Variants in ALCAM observed in about 807,000 individuals in gnomAD.
ALCAM encodes the protein activated leukocyte cell adhesion molecule.
A neutral mutation model predicts 70.9 loss-of-function variants in ALCAM; 30 were observed. The ratio of observed to expected loss-of-function variants is 0.42; its 90% CI spans 0.32 to 0.57. The LOEUF is 0.57. ALCAM is among the 20% of genes least tolerant of loss of function. ALCAM has a pLI of 0.11. For synonymous variants in ALCAM, 249 were observed against 242.5 expected (o/e 1.03, Z -0.25); for missense variants, 591 against 695.1 (o/e 0.85, Z 1.68).
At chr3:105,513,928 A>C (rs1939310161) in intron 1 of ALCAM, among the ~76,000 whole-genome samples, 2 of 151,950 alleles carry the variant, frequency 1.3e-5, no homozygotes, top group South Asian at 4.1e-4. Context: ...TTATAATAAA[A>C]ATTGAGTTTG....
intron 1 of ALCAM, among the ~76,000 whole-genome samples, chr3:105,502,269 C>T (rs542907089): frequency 1.3e-5 from 2 of 152,260 alleles, no homozygotes; most frequent in South Asian, 4.1e-4. Context: ...TTTCTCTAGT[C>T]TCTTTACACT....
intron 1 of ALCAM, among the ~76,000 whole-genome samples, chr3:105,499,884 A>G (rs911482877): frequency 1.3e-5 from 2 of 152,200 alleles, no homozygotes; most frequent in Non-Finnish European, 2.9e-5. Flanking sequence ...AGCTGTAGGA[A>G]TCCTCAGGGA....
chr3:105,429,093 C>T (rs1169355055), intron 1 of ALCAM, among the ~76,000 whole-genome samples: 1 of 151,950 alleles, frequency 6.6e-6, no homozygotes, highest in East Asian at 1.9e-4. Context: ...TATTAAGCCA[C>T]CATTTAAAAT....
intron 1 of ALCAM, among the ~76,000 whole-genome samples, chr3:105,376,086 T>C (rs893110264): frequency 6.6e-6 from 1 of 151,930 alleles, no homozygotes; most frequent in Non-Finnish European, 1.5e-5. Flanking sequence ...AGTTTGTGTG[T>C]GTTGGGGGCT....
At chr3:105,426,635 G>A (rs921146769) in intron 1 of ALCAM, among the ~76,000 whole-genome samples, 2 of 151,740 alleles carry the variant, frequency 1.3e-5, no homozygotes, top group Non-Finnish European at 1.5e-5. Context: ...ATTTGTACTC[G>A]TTGACAAATA....
At chr3:105,476,112 C>G (rs1435919056) in intron 1 of ALCAM, among the ~76,000 whole-genome samples, 2 of 151,958 alleles carry the variant, frequency 1.3e-5, no homozygotes, top group Non-Finnish European at 2.9e-5. Flanking sequence ...CATTTTCATG[C>G]CTTCTCTGGT....
intron 1 of ALCAM, among the ~76,000 whole-genome samples, chr3:105,504,422 A>G (rs867118327): frequency 1.3e-5 from 2 of 152,288 alleles, no homozygotes; most frequent in Middle Eastern, 3.4e-3. Flanking sequence ...GAATGAGTGC[A>G]AGCTTTTATT....
At chr3:105,448,892 G>C (rs1937357656) in intron 1 of ALCAM, among the ~76,000 whole-genome samples, 1 of 152,174 alleles carries the variant, frequency 6.6e-6, no homozygotes, top group Non-Finnish European at 1.5e-5. Flanking sequence ...TTCTGCCCGG[G>C]TGTCAACAAT....
intron 1 of ALCAM, among the ~76,000 whole-genome samples, chr3:105,517,224 A>G (rs1460415115): frequency 6.6e-6 from 1 of 152,124 alleles, no homozygotes; most frequent in African/African-American, 2.4e-5. Flanking sequence ...GGGAGTCAGT[A>G]TACTCTCACA....
chr3:105,513,906 C>T (rs1029657640), intron 1 of ALCAM, among the ~76,000 whole-genome samples: 1 of 151,934 alleles, frequency 6.6e-6, no homozygotes, highest in South Asian at 2.1e-4. Context: ...AAGATCTACT[C>T]TGTAGAAATT....
chr3:105,367,062 T>C lies in ALCAM; in HGVS notation c.-347T>C, dbSNP rs1393646614. ...ACTGCCATTATTATTATCATTCCAA[T>C]ACAAGGAAAATAAAAGAAGATACCA... On this transcript the variant is annotated 5_prime_UTR_variant, in exon 1 of 16. Transcript: ENST00000306107. 1 of 215,430 alleles carries C rather than the reference T, an allele frequency of 4.6e-6. No individual in the cohort carries two copies. The highest frequency in any genetic ancestry group is 9.6e-6 in the Non-Finnish European group (1 of 104,360). The allele number at this position is 215,430 out of a possible 1,614,324, so 13.3% of individuals were successfully genotyped here. A position where few individuals can be genotyped will look rare whatever the true frequency, so the allele number is the denominator to read the frequency against.
intron 14 of ALCAM, among the ~76,000 whole-genome samples, chr3:105,557,332 A>G (rs1042358048): frequency 3.3e-5 from 5 of 152,098 alleles, no homozygotes; most frequent in African/African-American, 1.2e-4. Context: ...TTGATGGGAA[A>G]TAAAACAATG....
intron 13 of ALCAM, 22 bp downstream of exon 13, chr3:105,552,204 C>A: frequency 6.3e-7 from 1 of 1,582,568 alleles, no homozygotes; most frequent in Non-Finnish European, 8.6e-7. Context: ...GCTGCCGACT[C>A]TTCTTCCTTG....
At chr3:105,443,073 A>G (rs928286077) in intron 1 of ALCAM, among the ~76,000 whole-genome samples, 4 of 152,114 alleles carry the variant, frequency 2.6e-5, no homozygotes, top group Non-Finnish European at 4.4e-5. Context: ...TGATCCACCT[A>G]TCTTGGCCTC....
At chr3:105,535,725 T>C (rs545435604) in intron 6 of ALCAM, among the ~76,000 whole-genome samples, 5 of 146,850 alleles carry the variant, frequency 3.4e-5, no homozygotes, top group Admixed American at 1.5e-4. Flanking sequence ...CTGAAGATAT[T>C]TGGGGGGAAA....
Position 105,576,277 on chromosome 3 carries a change from G to GTAAA in ALCAM, c.*1829_*1832dup, listed in dbSNP as rs1940962342. 6.6e-6 allele frequency: 1 copy of GTAAA among 152,548 alleles called. No individual in the cohort carries two copies. 9.4% of individuals were successfully genotyped at this position (152,548 alleles called of 1,614,324 possible). On this transcript the variant is annotated 3_prime_UTR_variant, in exon 16 of 16. Coordinates refer to ENST00000306107, the MANE Select transcript of ALCAM (RefSeq NM_001627.4). ...ATGGCTAAGCCATTCTGTTATCTCT[G>GTAAA]TAAATACTGTGATTTCTTTTTTATT...
At position 105,456,294 on chromosome 3, in the gene ALCAM, C is replaced by A. The variant is rs548340987; in HGVS notation, c.74-63773C>A. 7.9e-5 allele frequency among the ~76,000 whole-genome samples: 12 copies of A among 152,278 alleles called. No homozygotes were observed. The South Asian group carries it at 2.1e-3, about 26-fold the overall frequency. On this transcript the variant is annotated intron_variant, in intron 1 of 15. Transcript: ENST00000306107. Reference sequence around the variant, plus strand: ...CCTACCACCAGCTTGTCCTTGAATTCTCTGCTGGACAAAGCCAAGAACAGT... The same window carrying A: ...CCTACCACCAGCTTGTCCTTGAATTATCTGCTGGACAAAGCCAAGAACAGT...
intron 1 of ALCAM, among the ~76,000 whole-genome samples, chr3:105,451,884 G>A (rs1169603387): frequency 6.6e-6 from 1 of 152,008 alleles, no homozygotes; most frequent in South Asian, 2.1e-4. Flanking sequence ...CCTTCCCCAA[G>A]TCCCAAATTC....
In ALCAM at chr3:105,552,684, A is replaced by G. The variant is rs946737589; in HGVS notation, c.1664+99A>G. 1.6e-5 allele frequency: 25 copies of G among 1,576,804 alleles called. No homozygotes were observed. In the South Asian group the frequency reaches 2.6e-4, roughly 16 times the overall value. ...CACTCCAGTCGTGCATATAATTTAT[A>G]CAATAAGGAAGATGTATCCCCAAAT... On this transcript the variant is annotated intron_variant, in intron 14 of 15. Transcript: ENST00000306107.
Sources: allele counts gnomAD v4.1 joint callset (sites outside exome capture counted in the v4.1 genomes callset), GRCh38; gene constraint gnomAD v4.1.1; transcripts MANE v1.5; gene names NCBI Gene and HGNC (gene_info 2026-07-23, HGNC 2026-07-21).